CNTNAP5: variants seen among roughly 807,000 people sequenced by gnomAD.
CNTNAP5 encodes contactin-associated protein-like 5.
A neutral mutation model predicts 150.2 loss-of-function variants in CNTNAP5; 72 were observed. The observed-to-expected ratio is 0.48, with a 90% CI of 0.40 to 0.58. The LOEUF is 0.58. Among genes scored for constraint, CNTNAP5 ranks in the 20% least tolerant of loss-of-function variants. The pLI is 0.00. For synonymous variants in CNTNAP5, 672 were observed against 619.8 expected (o/e 1.08, Z -1.25); for missense variants, 1,636 against 1,626.2 (o/e 1.01, Z -0.10).
intron 19 of CNTNAP5, among the ~76,000 whole-genome samples, chr2:124,845,085 C>T (rs1386568048): frequency 1.3e-5 from 2 of 151,932 alleles, no homozygotes; most frequent in Non-Finnish European, 2.9e-5. Flanking sequence ...TTCAATTTTT[C>T]CTCATTCATT....
intron 1 of CNTNAP5, among the ~76,000 whole-genome samples, chr2:124,162,465 C>G (rs1057134700): frequency 3.3e-5 from 5 of 152,202 alleles, no homozygotes; most frequent in Admixed American, 2.6e-4. Flanking sequence ...TACACCCACA[C>G]AAAGTCCAAT....
At chr2:124,380,508 C>T (rs193199543) in intron 3 of CNTNAP5, among the ~76,000 whole-genome samples, 19 of 152,306 alleles carry the variant, frequency 1.2e-4, no homozygotes, top group Admixed American at 1.1e-3. Context: ...TCCATTCTGT[C>T]TCCATCAAAT....
chr2:124,907,367 T>A (rs1678558611), intron 22 of CNTNAP5, among the ~76,000 whole-genome samples: 1 of 151,882 alleles, frequency 6.6e-6, no homozygotes, highest in South Asian at 2.1e-4. Flanking sequence ...TCTTATGGAA[T>A]GTTAGCTCTC....
intron 1 of CNTNAP5, among the ~76,000 whole-genome samples, chr2:124,047,744 A>C (rs1043211713): frequency 8.5e-5 from 13 of 152,086 alleles, no homozygotes; most frequent in African/African-American, 3.1e-4. Context: ...CTCCTTACTC[A>C]GCCCTCCTCT....
intron 1 of CNTNAP5, among the ~76,000 whole-genome samples, chr2:124,108,774 C>A (rs1034322441): frequency 6.6e-6 from 1 of 152,176 alleles, no homozygotes; most frequent in African/African-American, 2.4e-5. Context: ...ACCACTTGTC[C>A]AGTACAGATA....
chr2:124,429,994 C>T (rs1398463653), intron 4 of CNTNAP5, among the ~76,000 whole-genome samples: 1 of 152,202 alleles, frequency 6.6e-6, no homozygotes, highest in Non-Finnish European at 1.5e-5. Context: ...ACATCTGGCC[C>T]TTGTCCTCAT....
intron 6 of CNTNAP5, among the ~76,000 whole-genome samples, chr2:124,448,113 A>G (rs1438998780): frequency 6.6e-6 from 1 of 152,018 alleles, no homozygotes; most frequent in Admixed American, 6.6e-5. Flanking sequence ...CTAAAAACAC[A>G]AAAAACTAGC....
At chr2:124,375,548 G>A (rs1325315388) in intron 3 of CNTNAP5, among the ~76,000 whole-genome samples, 1 of 152,104 alleles carries the variant, frequency 6.6e-6, no homozygotes, top group Non-Finnish European at 1.5e-5. Context: ...GGTAATTAAT[G>A]CAATATGAGA....
intron 3 of CNTNAP5, among the ~76,000 whole-genome samples, chr2:124,348,954 A>G (rs1689805358): frequency 6.6e-6 from 1 of 152,072 alleles, no homozygotes; most frequent in African/African-American, 2.4e-5. Context: ...ATTTATTTTC[A>G]AGAATTCTTG....
chr2:124,076,682 A>G (rs1176957621), intron 1 of CNTNAP5, among the ~76,000 whole-genome samples: 3 of 152,102 alleles, frequency 2.0e-5, no homozygotes, highest in African/African-American at 7.2e-5. Flanking sequence ...AGAGTGCATT[A>G]ACCCTGTTTT....
rs200129722 is a variant in CNTNAP5, at chr2:124,227,640, A to ATGTGTGTGTGTGTGTG, written c.187+5855_187+5870dup. On this transcript the variant is annotated intron_variant, in intron 2 of 23. Coordinates refer to ENST00000682447, the MANE Select transcript of CNTNAP5 (RefSeq NM_001367498.1). ...AATATAAACTCAGCACATCGTGTGT[A>ATGTGTGTGTGTGTGTG]TGTGTGTGTGTGTGTGTGTGTGTGT... 2.1e-4 allele frequency among the ~76,000 whole-genome samples: 30 copies of ATGTGTGTGTGTGTGTG among 143,416 alleles called. No homozygotes were observed. In the South Asian group the frequency reaches 4.3e-3, roughly 20 times the overall value. 94.1% of individuals were successfully genotyped at this position (143,416 alleles called of 152,430 possible).
intron 11 of CNTNAP5, among the ~76,000 whole-genome samples, chr2:124,581,432 C>T (rs146568809): frequency 6.6e-6 from 1 of 152,122 alleles, no homozygotes; most frequent in Non-Finnish European, 1.5e-5. Context: ...CATAGATTCC[C>T]TTATGTGATT....
intron 19 of CNTNAP5, among the ~76,000 whole-genome samples, chr2:124,852,186 C>T (rs934948573): frequency 6.6e-6 from 1 of 152,156 alleles, no homozygotes; most frequent in African/African-American, 2.4e-5. Context: ...TTAGTACTAA[C>T]AAATACTGAA....
At chr2:124,513,200 G>C (rs1694633282) in intron 8 of CNTNAP5, among the ~76,000 whole-genome samples, 1 of 152,148 alleles carries the variant, frequency 6.6e-6, no homozygotes, top group African/African-American at 2.4e-5. Flanking sequence ...TCTTCTGAGG[G>C]CTTCTCTCTT....
chr2:124,116,560 G>T (rs1450375660), intron 1 of CNTNAP5, among the ~76,000 whole-genome samples: 1 of 152,150 alleles, frequency 6.6e-6, no homozygotes, highest in Non-Finnish European at 1.5e-5. Context: ...CTCCCCACCT[G>T]TGCATGAAGC....
At chr2:124,102,677 C>G (rs552116293) in intron 1 of CNTNAP5, among the ~76,000 whole-genome samples, 17 of 152,184 alleles carry the variant, frequency 1.1e-4, no homozygotes, top group Admixed American at 1.1e-3. Context: ...CTCCTCCTCC[C>G]GGGAAAGCTG....
chr2:124,246,098 A>G (rs1321926664), intron 3 of CNTNAP5, among the ~76,000 whole-genome samples: 1 of 152,040 alleles, frequency 6.6e-6, no homozygotes. Flanking sequence ...CTCAAATTTT[A>G]GATAATATAT....
chr2:124,369,345 G>A (rs988332336), intron 3 of CNTNAP5, among the ~76,000 whole-genome samples: 1 of 152,078 alleles, frequency 6.6e-6, no homozygotes, highest in Admixed American at 6.5e-5. Context: ...AGTCAATTAT[G>A]TGGTTTTAGC....
intron 10 of CNTNAP5, among the ~76,000 whole-genome samples, chr2:124,539,639 G>A (rs868645367): frequency 2.0e-5 from 3 of 152,226 alleles, no homozygotes; most frequent in East Asian, 1.9e-4. Context: ...TATTATTCCC[G>A]CCTGCCTCTT....
Sources: gnomAD v4.1 joint callset for allele counts (sites outside exome capture counted in the v4.1 genomes callset) on GRCh38, gnomAD v4.1.1 for gene constraint, MANE v1.5 for transcripts, NCBI Gene and HGNC (gene_info 2026-07-23, HGNC 2026-07-21) for gene names.